The following DNAH17 variants were observed in gnomAD, a reference collection of about 807,000 sequenced individuals.
DNAH17 encodes the protein axonemal beta dynein heavy chain 17.
In DNAH17, 376 loss-of-function variants were observed where a neutral mutation model predicts 485.6. The observed-to-expected ratio is 0.77, with a 90% CI of 0.71 to 0.84. The LOEUF is 0.84. Among genes scored for constraint, DNAH17 ranks in the 40% least tolerant of loss-of-function variants. The probability of loss-of-function intolerance (pLI) is 0.00; values close to 1 mark genes in which losing one functional copy is unlikely to be tolerated. For missense variants in DNAH17, 6,370 were observed against 5,839.3 expected (o/e 1.09, Z -2.96); for synonymous variants, 3,031 against 2,405.9 (o/e 1.26, Z -7.60).
chr17:78,503,460 C>T (rs2090376040), intron 31 of DNAH17, among the ~76,000 whole-genome samples: 1 of 150,856 alleles, frequency 6.6e-6, no homozygotes, highest in African/African-American at 2.4e-5. Context: ...GCTGGGATTA[C>T]AGGCATGAGC....
rs777918077 is a variant in DNAH17 at position 78,529,573 on chromosome 17, G to A, written c.3406C>T (p.Gln1136Ter). ...TCAAACATGTTGTCGGTGGCTGCTT[G>A]CCTCTCCTTGACTTTCATCAGGTGC... ...MGHLMKVKER[Q>*]AATDNMFEPL... The change falls in exon 22 of 81, where the codon CAA becomes TAA. Residue 1136 changes from glutamine (Q) to a stop codon, truncating the protein, a stop_gained. Coordinates refer to ENST00000389840, the MANE Select transcript of DNAH17 (RefSeq NM_173628.4). LOFTEE classifies it high-confidence loss of function. 2.5e-6 allele frequency: 4 copies of A among 1,613,794 alleles called. No homozygotes were observed. The highest frequency in any genetic ancestry group is 3.4e-6 in the Non-Finnish European group (4 of 1,179,878).
intron 71 of DNAH17, 27 bp from the exon 72 acceptor site, chr17:78,441,226 C>T (rs774113875): frequency 1.5e-5 from 24 of 1,611,508 alleles, no homozygotes; most frequent in Admixed American, 3.3e-5. Flanking sequence ...TCAGAGGCAG[C>T]GGAACCTGAG....
At chr17:78,465,928 T>C (rs1173469745) in intron 56 of DNAH17, among the ~76,000 whole-genome samples, 1 of 151,876 alleles carries the variant, frequency 6.6e-6, no homozygotes, top group Non-Finnish European at 1.5e-5. Flanking sequence ...GTCTGGGAGG[T>C]GTGCCCAGCA....
At position 78,553,394 on chromosome 17, in the gene DNAH17, C is replaced by T. The variant is rs752758609; in HGVS notation, c.2179-589G>A. Among the ~76,000 whole-genome samples the T allele has an allele frequency of 5.7e-5, 8 of 141,310 alleles. No homozygotes were observed. In the East Asian group the frequency reaches 6.8e-4, roughly 12 times the overall value. The allele number at this position is 141,310 out of a possible 152,430, so 92.7% of individuals were successfully genotyped here. ...TTGGCTCACTGCAATCTCTGCCTCC[C>T]GGGTTCAAGCAATTCTCCTGCCTCA... On this transcript the variant is annotated intron_variant, in intron 14 of 80. Coordinates refer to ENST00000389840, the MANE Select transcript of DNAH17 (RefSeq NM_173628.4).
intron 27 of DNAH17, 30 bp downstream of exon 27, chr17:78,510,354 T>TGCACAGACA (rs565587254): frequency 2.5e-6 from 4 of 1,608,588 alleles, no homozygotes; most frequent in Non-Finnish European, 3.4e-6. Context: ...GATCCCACGT[T>TGCACAGACA]GCACAGACAG....
chr17:78,557,855 C>T (rs959345751), intron 14 of DNAH17, among the ~76,000 whole-genome samples: 2 of 151,902 alleles, frequency 1.3e-5, no homozygotes, highest in African/African-American at 4.8e-5. Flanking sequence ...ACAACAAATG[C>T]TGGTGTAAGA....
At chr17:78,459,685 G>A (rs761451106) in intron 60 of DNAH17, 99 bp downstream of exon 60, 11 of 1,342,692 alleles carry the variant, frequency 8.2e-6, no homozygotes, top group Non-Finnish European at 1.1e-5. Context: ...TGAGCCACAG[G>A]CCCCAAGAGC....
intron 73 of DNAH17, among the ~76,000 whole-genome samples, chr17:78,438,084 A>G (rs1001223973): frequency 6.6e-6 from 1 of 152,030 alleles, no homozygotes; most frequent in Non-Finnish European, 1.5e-5. Context: ...AGGCCCCAGA[A>G]TCTATTTTTG....
chr17:78,561,375 TC>T lies in DNAH17; in HGVS notation c.1835+339del, dbSNP rs1426869113. Among the ~76,000 whole-genome samples, 6 of 151,996 alleles carry T rather than the reference TC, an allele frequency of 3.9e-5. No homozygotes were observed. The East Asian group carries it at 1.2e-3, about 29-fold the overall frequency. On this transcript the variant is annotated intron_variant, in intron 12 of 80. Transcript: ENST00000389840. ...CCGTCCCTGCGTCCACCGTGAAGCC[TC>T]CCCGGCCCCTGGCTGTCCAGGAGAC...
intron 33 of DNAH17, 153 bp from the exon 34 acceptor site, chr17:78,502,026 G>T: frequency 9.0e-7 from 1 of 1,107,532 alleles, no homozygotes; most frequent in Non-Finnish European, 1.3e-6. Flanking sequence ...CCCCAGCCAG[G>T]CACTGGTTTC....
chr17:78,565,864 C>T (rs1037712627), intron 11 of DNAH17, among the ~76,000 whole-genome samples: 8 of 152,086 alleles, frequency 5.3e-5, no homozygotes, highest in African/African-American at 1.4e-4. Context: ...GCAGGAGAAT[C>T]GTTTGAACCC....
intron 69 of DNAH17, among the ~76,000 whole-genome samples, chr17:78,446,455 G>A (rs548649921): frequency 7.9e-5 from 12 of 152,140 alleles, no homozygotes; most frequent in Middle Eastern, 3.4e-3. Flanking sequence ...TTCACTTAGC[G>A]TGATGCTTCT....
At chr17:78,429,495 C>T (rs1568038866) in intron 75 of DNAH17, among the ~76,000 whole-genome samples, 195 bp from the exon 76 acceptor site, 1 of 152,218 alleles carries the variant, frequency 6.6e-6, no homozygotes. Context: ...CCATTCCGCG[C>T]CACCAGACGC....
intron 14 of DNAH17, among the ~76,000 whole-genome samples, chr17:78,553,059 T>C (rs2091938439): frequency 6.6e-6 from 1 of 152,056 alleles, no homozygotes; most frequent in Non-Finnish European, 1.5e-5. Flanking sequence ...GAATGAATTC[T>C]CGTGCAATCT....
intron 42 of DNAH17, among the ~76,000 whole-genome samples, chr17:78,492,140 A>AC (rs2089887535): frequency 1.3e-5 from 2 of 152,042 alleles, no homozygotes; most frequent in Admixed American, 6.5e-5. Flanking sequence ...GGTCAGGACC[A>AC]CCCTGCTCCC....
At chr17:78,550,294 A>C (rs1283052693) in intron 16 of DNAH17, among the ~76,000 whole-genome samples, 1 of 152,294 alleles carries the variant, frequency 6.6e-6, no homozygotes, top group Non-Finnish European at 1.5e-5. Context: ...TGCACGCCCC[A>C]GACAGAGAGG....
intron 16 of DNAH17, among the ~76,000 whole-genome samples, chr17:78,550,320 A>G (rs2091870516): frequency 1.2e-4 from 1 of 8,590 alleles, no homozygotes; most frequent in African/African-American, 6.9e-4. Flanking sequence ...CTCATGCAGG[A>G]AGGAGGCAGA....
Position 78,437,848 on chromosome 17 carries a change from C to T in DNAH17, c.11826G>A (p.Arg3942=). 6.2e-7 allele frequency: 1 copy of T among 1,610,604 alleles called. No individual in the cohort carries two copies. Among genetic ancestry groups the T allele is most frequent in the African/African-American group, 1.3e-5 (1 of 75,024 alleles). The change falls in exon 74 of 81, where the codon CGG becomes CGA. Residue 3942 remains arginine (R), a synonymous_variant. Transcript: ENST00000389840. ...VILQNIHLVA[R]WLGTLDKKLE... is the part of the protein sequence containing the mutation. ...GCTTCTTGTCCAGTGTTCCCAGCCA[C>T]CGGGCCACCAGGTGGATATTCTGCA...
intron 33 of DNAH17, 56 bp downstream of exon 33, chr17:78,502,535 C>A (rs1401381373): frequency 2.6e-6 from 4 of 1,509,468 alleles, no homozygotes; most frequent in South Asian, 1.3e-5. Flanking sequence ...CGGGCCCATG[C>A]ACCTGCTTTT....
Sources: gnomAD v4.1 joint callset for allele counts (sites outside exome capture counted in the v4.1 genomes callset) on GRCh38, gnomAD v4.1.1 for gene constraint, MANE v1.5 for transcripts, NCBI Gene and HGNC (gene_info 2026-07-23, HGNC 2026-07-21) for gene names.